The following LRRC14 variants were observed in gnomAD, a reference collection of about 807,000 sequenced individuals.
LRRC14 encodes leucine-rich repeat-containing protein 14.
LRRC14 carries 16 observed loss-of-function variants against 25.3 expected under a neutral mutation model. The observed-to-expected ratio is 0.63, with a 90% CI of 0.43 to 0.96. The LOEUF (loss-of-function observed/expected upper bound fraction) is 0.96. Among genes scored for constraint, LRRC14 ranks in the 40% least tolerant of loss-of-function variants. The pLI is 0.00. For synonymous variants in LRRC14, 359 were observed against 295.1 expected, an observed-to-expected ratio of 1.22 and a Z score of -2.22; for missense variants, 594 against 660.5, an observed-to-expected ratio of 0.90 and a Z score of 1.10.
At position 144,524,531 on chromosome 8, in the gene LRRC14, G is replaced by A; in HGVS notation, c.*3053G>A. 6.3e-7 allele frequency: 1 copy of A among 1,587,904 alleles called. No homozygotes were observed. The highest frequency in any genetic ancestry group is 1.3e-5 in the African/African-American group (1 of 74,858). On this transcript the variant is annotated 3_prime_UTR_variant, in exon 4 of 4. Transcript: ENST00000292524. Reference sequence around the variant, plus strand: ...GCAGCTGGGCCAGGCCTACGAAGGCGCCGCTGCGCAAGCCGCGCAGCCGGT... The same window carrying A: ...GCAGCTGGGCCAGGCCTACGAAGGCACCGCTGCGCAAGCCGCGCAGCCGGT...
chr8:144,520,250 G>C lies in LRRC14; in HGVS notation c.342G>C (p.Leu114=). Residue 114 remains leucine (L), a synonymous_variant, in exon 3 of 4, where the codon CTG becomes CTC. Coordinates refer to ENST00000292524, the MANE Select transcript of LRRC14 (RefSeq NM_014665.4). The part of the protein sequence containing the change: ...STQPLCRKHA[L]RVLDMTGLLD... The stretch of plus-strand genomic sequence containing the variant: ...TTCCTACTCCCAGGAAGCATGCGCT[G>C]CGGGTGCTGGACATGACGGGCCTCT... 1.2e-6 allele frequency: 2 copies of C among 1,609,046 alleles called. No individual in the cohort carries two copies. Among genetic ancestry groups the C allele is most frequent in the Non-Finnish European group, 1.7e-6 (2 of 1,179,924 alleles).
rs978584202 is a variant in LRRC14, at chr8:144,525,156, C to G, written c.*3678C>G. On this transcript the variant is annotated 3_prime_UTR_variant, in exon 4 of 4. Transcript: ENST00000292524. ...AGGTTCAAGAAACTAATAAAACGTT[C>G]TGGTTTTCTCCTTTGACAAAAACAT... The G allele has an allele frequency of 6.9e-6, 4 of 582,632 alleles. No individual in the cohort carries two copies. In the African/African-American group the frequency reaches 7.8e-5, roughly 11 times the overall value. 36.1% of individuals were successfully genotyped at this position (582,632 alleles called of 1,614,324 possible). A position where few individuals can be genotyped will look rare whatever the true frequency, so the allele number is the denominator to read the frequency against.
Position 144,518,057 on chromosome 8 carries a change from CG to C in LRRC14, c.-112+23del, listed in dbSNP as rs962823226. 13 of 198,624 alleles carry C rather than the reference CG, an allele frequency of 6.5e-5. No individual in the cohort carries two copies. The highest frequency in any genetic ancestry group is 1.7e-4 in the South Asian group (1 of 5,776). 12.3% of individuals were successfully genotyped at this position (198,624 alleles called of 1,614,324 possible). ...TGCGGGACCGGTGAGCGCGGGCGGC[CG>C]GGGGGGTGTCTGAGCGGGGCGGCGC... On this transcript the variant is annotated intron_variant, in intron 1 of 3. Coordinates refer to ENST00000292524, the MANE Select transcript of LRRC14 (RefSeq NM_014665.4).
rs1264120186 is a variant in LRRC14, at chr8:144,524,315, G to C, written c.*2837G>C. ...ACAGCAGATCGTGAGGAAAAAGGGC[G>C]CCGAGGTTGGGGGCATGTCTCTCTT... On this transcript the variant is annotated 3_prime_UTR_variant, in exon 4 of 4. Transcript: ENST00000292524. 6.9e-6 allele frequency: 11 copies of C among 1,604,668 alleles called. No homozygotes were observed. The South Asian group carries it at 1.1e-4, about 16-fold the overall frequency.
At position 144,520,398 on chromosome 8, in the gene LRRC14, C is replaced by T. The variant is rs758375669; in HGVS notation, c.490C>T (p.Pro164Ser). Residue 164 changes from proline to serine, a missense_variant, in exon 3 of 4, where the codon CCC becomes TCC. Transcript: ENST00000292524. ...GAAEPGPAPI[P>S]VEVRVDLRVN... Reference sequence around the variant, plus strand: ...CGCAGAGCCTGGGCCAGCCCCCATCCCCGTGGAGGTGCGCGTGGACCTGCG... The same window carrying T: ...CGCAGAGCCTGGGCCAGCCCCCATCTCCGTGGAGGTGCGCGTGGACCTGCG... 8 of 1,607,022 alleles carry T rather than the reference C, an allele frequency of 5.0e-6. No individual in the cohort carries two copies. The Middle Eastern group carries it at 1.3e-3, about 266-fold the overall frequency.
intron 1 of LRRC14, chr8:144,518,849 C>T (rs1804345564): frequency 6.6e-6 from 1 of 152,308 alleles, no homozygotes; most frequent in Admixed American, 6.5e-5. Context: ...TTGTGCATCT[C>T]TGCAGCTTGG....
At position 144,523,969 on chromosome 8, in the gene LRRC14, C is replaced by A. The variant is rs994255187; in HGVS notation, c.*2491C>A. ...TCCCCAGCACACCCACTCCCGCAGCCCTCCAGTGTGGCTGCAGGCGGTGGT... is the reference window on the plus strand; with the variant it reads ...TCCCCAGCACACCCACTCCCGCAGCACTCCAGTGTGGCTGCAGGCGGTGGT... On this transcript the variant is annotated 3_prime_UTR_variant, in exon 4 of 4. Transcript: ENST00000292524. The A allele has an allele frequency of 1.0e-6, 1 of 981,334 alleles. No individual in the cohort carries two copies. The highest frequency in any genetic ancestry group is 1.6e-5 in the African/African-American group (1 of 61,514). The allele number at this position is 981,334 out of a possible 1,614,324, so 60.8% of individuals were successfully genotyped here. A position where few individuals can be genotyped will look rare whatever the true frequency, so the allele number is the denominator to read the frequency against.
chr8:144,522,866 C>A lies in LRRC14; in HGVS notation c.*1388C>A, dbSNP rs555224620. On this transcript the variant is annotated 3_prime_UTR_variant, in exon 4 of 4. Transcript: ENST00000292524. ...GCCCGCCTCGGGCCGGGGCTCGCTG[C>A]CGGCGGGGCGGGCGGCCGGAGGCGG... 7 of 1,268,260 alleles carry A rather than the reference C, an allele frequency of 5.5e-6. No homozygotes were observed. The highest frequency in any genetic ancestry group is 2.9e-4 in the Middle Eastern group (1 of 3,452). 78.6% of individuals were successfully genotyped at this position (1,268,260 alleles called of 1,614,324 possible).
At position 144,522,132 on chromosome 8, in the gene LRRC14, G is replaced by T; in HGVS notation, c.*654G>T. On this transcript the variant is annotated 3_prime_UTR_variant, in exon 4 of 4. Transcript: ENST00000292524. ...CAACTGCCATCCAGCCTGTCGCCCC[G>T]CCCTTCGCGGGGCAGCCCCGTCGGC... 1 of 298,784 alleles carries T rather than the reference G, an allele frequency of 3.3e-6. No individual in the cohort carries two copies. The highest frequency in any genetic ancestry group is 6.2e-6 in the Non-Finnish European group (1 of 161,292). The allele number at this position is 298,784 out of a possible 1,614,324, so 18.5% of individuals were successfully genotyped here. A position where few individuals can be genotyped will look rare whatever the true frequency, so the allele number is the denominator to read the frequency against.
chr8:144,519,488 G>A (rs1261864284), intron 1 of LRRC14, 127 bp from the exon 2 acceptor site: 3 of 586,974 alleles, frequency 5.1e-6, no homozygotes, highest in Non-Finnish European at 9.1e-6. Context: ...AAGAGATCCT[G>A]TGCATCTGGA....
Position 144,521,196 on chromosome 8 carries a change from C to A in LRRC14, c.1200C>A (p.Leu400=), listed in dbSNP as rs775932153. ...GCGCCAGTCTCCGGTACCTTGGCCT[C>A]TATGGCAACCCACTGTCCATGGCGG... ...TQCASLRYLG[L]YGNPLSMAGL... Residue 400 remains leucine, a synonymous_variant, in exon 4 of 4, where the codon CTC becomes CTA. Coordinates refer to ENST00000292524, the MANE Select transcript of LRRC14 (RefSeq NM_014665.4). 1 of 1,613,302 alleles carries A rather than the reference C, an allele frequency of 6.2e-7. No homozygotes were observed. The highest frequency in any genetic ancestry group is 2.2e-5 in the East Asian group (1 of 44,888).
chr8:144,519,059 G>A (rs1216604621), intron 1 of LRRC14, among the ~76,000 whole-genome samples: 1 of 152,236 alleles, frequency 6.6e-6, no homozygotes, highest in African/African-American at 2.4e-5. Flanking sequence ...CTGGAGAATA[G>A]TAGCTTTTGC....
chr8:144,520,719 G>A lies in LRRC14; in HGVS notation c.811G>A (p.Asp271Asn). The change falls in exon 3 of 4, where the codon GAC (aspartate) becomes AAC (asparagine). Residue 271 changes from aspartate to asparagine, a missense_variant. By Grantham distance (23) the Asp-to-Asn change is conservative. Transcript: ENST00000292524. ...DSRQPSVDGE[D>N]NFRYFLAQMG... ...AAGGCAGCCCTCCGTGGATGGCGAG[G>A]ACAACTTCCGCTACTTCCTTGCCCA... 4.4e-6 allele frequency: 7 copies of A among 1,599,304 alleles called. No individual in the cohort carries two copies. The highest frequency in any genetic ancestry group is 5.9e-6 in the Non-Finnish European group (7 of 1,179,954).
Position 144,522,514 on chromosome 8 carries a change from G to A in LRRC14, c.*1036G>A. The A allele has an allele frequency of 6.7e-7, 1 of 1,503,222 alleles. No homozygotes were observed. The highest frequency in any genetic ancestry group is 1.3e-5 in the South Asian group (1 of 78,914). 93.1% of individuals were successfully genotyped at this position (1,503,222 alleles called of 1,614,324 possible). Reference sequence around the variant, plus strand: ...CGTAGGCGACCGGCGGGGGCACGCGGAGTCCCGGCCCCGCCCCCTGTTCCG... The same window carrying A: ...CGTAGGCGACCGGCGGGGGCACGCGAAGTCCCGGCCCCGCCCCCTGTTCCG... On this transcript the variant is annotated 3_prime_UTR_variant, in exon 4 of 4. Transcript: ENST00000292524.
Position 144,522,533 on chromosome 8 carries a change from T to C in LRRC14, c.*1055T>C, listed in dbSNP as rs1040475173. ...CACGCGGAGTCCCGGCCCCGCCCCC[T>C]GTTCCGGGCCGCAGTCAGCGGGCGC... is the stretch of plus-strand genomic sequence containing the variant. On this transcript the variant is annotated 3_prime_UTR_variant, in exon 4 of 4. Coordinates refer to ENST00000292524, the MANE Select transcript of LRRC14 (RefSeq NM_014665.4). 2 of 1,520,688 alleles carry C rather than the reference T, an allele frequency of 1.3e-6. No homozygotes were observed. Among genetic ancestry groups the C allele is most frequent in the South Asian group, 1.2e-5 (1 of 81,044 alleles). The allele number at this position is 1,520,688 out of a possible 1,614,324, so 94.2% of individuals were successfully genotyped here. A position where few individuals can be genotyped will look rare whatever the true frequency, so the allele number is the denominator to read the frequency against.
Position 144,522,613 on chromosome 8 carries a change from G to C in LRRC14, c.*1135G>C, listed in dbSNP as rs1261791527. On this transcript the variant is annotated 3_prime_UTR_variant, in exon 4 of 4. Coordinates refer to ENST00000292524, the MANE Select transcript of LRRC14 (RefSeq NM_014665.4). ...TGGAGCGGTTGATGACGAACATCTC[G>C]TGGCCGCGCTCGTCGCGGAGCTCCT... 1.3e-6 allele frequency: 2 copies of C among 1,570,996 alleles called. No homozygotes were observed. Among genetic ancestry groups the C allele is most frequent in the South Asian group, 1.2e-5 (1 of 86,118 alleles).
chr8:144,521,501 C>T lies in LRRC14; in HGVS notation c.*23C>T, dbSNP rs774417251. ...TGATGAAGTAGCTCTGGGTGAGACA[C>T]AGGCCGCCCTGCAGTCTCTTTAGGT... is the stretch of plus-strand genomic sequence containing the variant. On this transcript the variant is annotated 3_prime_UTR_variant, in exon 4 of 4. Coordinates refer to ENST00000292524, the MANE Select transcript of LRRC14 (RefSeq NM_014665.4). The T allele has an allele frequency of 8.2e-6, 13 of 1,579,742 alleles. No individual in the cohort carries two copies. Among genetic ancestry groups the T allele is most frequent in the Non-Finnish European group, 1.1e-5 (13 of 1,166,544 alleles).
chr8:144,522,327 A>G lies in LRRC14; in HGVS notation c.*849A>G. The G allele has an allele frequency of 8.2e-7, 1 of 1,213,356 alleles. No homozygotes were observed. The highest frequency in any genetic ancestry group is 1.1e-6 in the Non-Finnish European group (1 of 938,430). 75.2% of individuals were successfully genotyped at this position (1,213,356 alleles called of 1,614,324 possible). The stretch of plus-strand genomic sequence containing the variant: ...GCCTCCCCGGCCACCTTCCATTGCT[A>G]CCCCAGGATTCCCGAGTGCAACGTT... On this transcript the variant is annotated 3_prime_UTR_variant, in exon 4 of 4. Transcript: ENST00000292524.
In LRRC14 at chr8:144,522,370, A is replaced by C. The variant is rs1416843456; in HGVS notation, c.*892A>C. On this transcript the variant is annotated 3_prime_UTR_variant, in exon 4 of 4. Transcript: ENST00000292524. ...GCAACGTTCCCGGCTCGCGCCCCAC[A>C]CACGGCTCAGCGCACACTGCGCGGC... 3 of 1,333,372 alleles carry C rather than the reference A, an allele frequency of 2.2e-6. No homozygotes were observed. The highest frequency in any genetic ancestry group is 2.9e-6 in the Non-Finnish European group (3 of 1,046,094). 82.6% of individuals were successfully genotyped at this position (1,333,372 alleles called of 1,614,324 possible).
Sources: allele counts gnomAD v4.1 joint callset (sites outside exome capture counted in the v4.1 genomes callset), GRCh38; gene constraint gnomAD v4.1.1; transcripts MANE v1.5; gene names NCBI Gene and HGNC (gene_info 2026-07-23, HGNC 2026-07-21).